HIP1: variants seen among roughly 807,000 people sequenced by gnomAD.
HIP1 encodes the protein huntingtin-interacting protein 1.
In HIP1, 65 loss-of-function variants were observed where a neutral mutation model predicts 147.6. That is an observed-to-expected ratio of 0.44 (90% CI 0.36 to 0.54). The LOEUF is 0.54. HIP1 is among the 20% of genes least tolerant of loss of function. The probability of loss-of-function intolerance (pLI) is 0.00; values close to 1 mark genes in which losing one functional copy is unlikely to be tolerated. For missense variants in HIP1, 1,061 were observed against 1,299.6 expected (o/e 0.82, Z 2.82); for synonymous variants, 479 against 504.0 (o/e 0.95, Z 0.67).
At chr7:75,563,700 T>G (rs943474116) in intron 9 of HIP1, among the ~76,000 whole-genome samples, 2 of 152,204 alleles carry the variant, frequency 1.3e-5, no homozygotes, top group Non-Finnish European at 2.9e-5. Context: ...CTCTTTGTTT[T>G]TGGACTATTT....
In HIP1 at chr7:75,535,954, T is replaced by A. The variant is rs1312864683; in HGVS notation, c.*2218A>T. 1.7e-5 allele frequency: 3 copies of A among 176,456 alleles called. No individual in the cohort carries two copies. Among genetic ancestry groups the A allele is most frequent in the African/African-American group, 7.1e-5 (3 of 42,132 alleles). The allele number at this position is 176,456 out of a possible 1,614,324, so 10.9% of individuals were successfully genotyped here. On this transcript the variant is annotated 3_prime_UTR_variant, in exon 31 of 31. Transcript: ENST00000336926. The stretch of plus-strand genomic sequence containing the variant: ...GTCTTGAACTCCTGACCTCAGGTGA[T>A]CCTACCACCTCAGCCTCTCAAAGTG...
chr7:75,604,224 G>T (rs1381520373), intron 1 of HIP1, among the ~76,000 whole-genome samples: 1 of 152,204 alleles, frequency 6.6e-6, no homozygotes, highest in Non-Finnish European at 1.5e-5. Context: ...GTTGTCTGCA[G>T]TCAGAAAGGA....
At chr7:75,649,800 C>T (rs1554511677) in intron 1 of HIP1, among the ~76,000 whole-genome samples, 3 of 152,194 alleles carry the variant, frequency 2.0e-5, no homozygotes, top group African/African-American at 7.2e-5. Flanking sequence ...GCTTCTCCTA[C>T]ACGGGGAATT....
chr7:75,715,182 G>C (rs1584973391), intron 1 of HIP1, among the ~76,000 whole-genome samples: 2 of 152,048 alleles, frequency 1.3e-5, no homozygotes, highest in African/African-American at 4.8e-5. Context: ...TTGAGCTCAG[G>C]AGTTTGAGAC....
At position 75,557,355 on chromosome 7, in the gene HIP1, A is replaced by C. The variant is rs587711101; in HGVS notation, c.1581+299T>G. ...CAAACAAACAAAACAAACAAACAAA[A>C]AAAAACGCTCATCCCTCTCTCTCTG... On this transcript the variant is annotated intron_variant, in intron 16 of 30. Transcript: ENST00000336926. 3.3e-5 allele frequency among the ~76,000 whole-genome samples: 5 copies of C among 152,106 alleles called. 1 individual carries two copies. In the South Asian group the frequency reaches 8.3e-4, roughly 25 times the overall value.
chr7:75,630,646 T>G (rs1305988405), intron 1 of HIP1, among the ~76,000 whole-genome samples: 1 of 152,062 alleles, frequency 6.6e-6, no homozygotes, highest in Non-Finnish European at 1.5e-5. Context: ...GGGGATCTTC[T>G]TCCCCTCTGT....
intron 1 of HIP1, among the ~76,000 whole-genome samples, chr7:75,695,527 C>T (rs1800607569): frequency 6.6e-6 from 1 of 151,984 alleles, no homozygotes; most frequent in Non-Finnish European, 1.5e-5. Context: ...AGGATAAATA[C>T]TTGCCTGCCG....
chr7:75,563,199 G>C lies in HIP1; in HGVS notation c.868C>G (p.Gln290Glu). 1 of 1,614,184 alleles carries C rather than the reference G, an allele frequency of 6.2e-7. No homozygotes were observed. The highest frequency in any genetic ancestry group is 1.1e-5 in the South Asian group (1 of 91,086). ...TTGGGCATGCTTACCTCAGGCAGCT[G>C]GGGGATCTGAATGAGCCGCTTGAAG... ...QYFKRLIQIP[Q>E]LPENPPNFLR... The change falls in exon 10 of 31, where the codon CAG becomes GAG. Residue 290 changes from glutamine (Q) to glutamate (E), a missense_variant. Transcript: ENST00000336926.
In HIP1 at chr7:75,699,012, CT is replaced by C. The variant is rs1290591040; in HGVS notation, c.120+39788del. Reference sequence around the variant, plus strand: ...TCAGGAGTGGAAGGGACGCCTTTCACTTTTTTTTTCTGGAACCACTTGAATG... The same window carrying C: ...TCAGGAGTGGAAGGGACGCCTTTCACTTTTTTTTCTGGAACCACTTGAATG... On this transcript the variant is annotated intron_variant, in intron 1 of 30. Coordinates refer to ENST00000336926, the MANE Select transcript of HIP1 (RefSeq NM_005338.7). Among the ~76,000 whole-genome samples, 11 of 151,134 alleles carry C rather than the reference CT, an allele frequency of 7.3e-5. 1 individual carries two copies. Among genetic ancestry groups the C allele is most frequent in the Admixed American group, 6.6e-5 (1 of 15,098 alleles).
intron 30 of HIP1, among the ~76,000 whole-genome samples, chr7:75,538,519 G>A (rs782592315): frequency 6.7e-6 from 1 of 149,492 alleles, no homozygotes; most frequent in Non-Finnish European, 1.5e-5. Context: ...CTCTGGGCTG[G>A]CAGCCTGAAT....
chr7:75,706,115 G>T (rs939791991), intron 1 of HIP1, among the ~76,000 whole-genome samples: 2 of 151,874 alleles, frequency 1.3e-5, no homozygotes, highest in Non-Finnish European at 2.9e-5. Context: ...GGCTGGTCTC[G>T]AACTCCTGAT....
At chr7:75,563,152 C>T in intron 10 of HIP1, 36 bp downstream of exon 10, 1 of 1,614,084 alleles carries the variant, frequency 6.2e-7, no homozygotes, top group Non-Finnish European at 8.5e-7. Context: ...CCTGGGGCCT[C>T]TGCAGTGCCG....
chr7:75,571,757 A>AT (rs753602575), intron 8 of HIP1, among the ~76,000 whole-genome samples: 28 of 151,778 alleles, frequency 1.8e-4, no homozygotes, highest in African/African-American at 2.7e-4. Flanking sequence ...TAATTTTTGT[A>AT]TTTTTTGTAC....
At chr7:75,664,840 T>A (rs1423420148) in intron 1 of HIP1, among the ~76,000 whole-genome samples, 4 of 152,124 alleles carry the variant, frequency 2.6e-5, no homozygotes, top group Non-Finnish European at 5.9e-5. Flanking sequence ...AGGCTGGTCT[T>A]GAACTCCTGG....
chr7:75,604,697 A>G (rs756249608), intron 1 of HIP1, among the ~76,000 whole-genome samples: 27 of 142,474 alleles, frequency 1.9e-4, no homozygotes, highest in African/African-American at 3.6e-4. Context: ...GGAAGGAAGG[A>G]AGGGAGGGAG....
rs145640747 is a variant in HIP1 at position 75,563,009 on chromosome 7, C to T, written c.946G>A (p.Ala316Thr). Residue 316 changes from alanine to threonine, a missense_variant, in exon 11 of 31, where the codon GCA (alanine) becomes ACA (threonine). Coordinates refer to ENST00000336926, the MANE Select transcript of HIP1 (RefSeq NM_005338.7). ...TCGCTGTCGGGGGATGAGGCCTCTG[C>T]AGGGATCACCACCACAGGGCTGATA... ...EHISPVVVIP[A>T]EASSPDSEPV... 24 of 1,614,082 alleles carry T rather than the reference C, an allele frequency of 1.5e-5. No homozygotes were observed. Among genetic ancestry groups the T allele is most frequent in the Admixed American group, 6.7e-5 (4 of 60,000 alleles).
chr7:75,618,927 C>T (rs1164950432), intron 1 of HIP1, among the ~76,000 whole-genome samples: 3 of 152,054 alleles, frequency 2.0e-5, no homozygotes, highest in Admixed American at 6.6e-5. Flanking sequence ...ACCTCCTGGG[C>T]TCCAGTGAGC....
intron 8 of HIP1, among the ~76,000 whole-genome samples, chr7:75,569,075 T>G (rs1795517171): frequency 6.6e-6 from 1 of 152,162 alleles, no homozygotes. Context: ...GCTAACTCTA[T>G]GACACTGCAC....
chr7:75,533,326 A>G lies in HIP1; in HGVS notation c.*4846T>C. 1 of 212,814 alleles carries G rather than the reference A, an allele frequency of 4.7e-6. No individual in the cohort carries two copies. Among genetic ancestry groups the G allele is most frequent in the South Asian group, 1.9e-4 (1 of 5,352 alleles). The allele number at this position is 212,814 out of a possible 1,614,324, so 13.2% of individuals were successfully genotyped here. A position where few individuals can be genotyped will look rare whatever the true frequency, so the allele number is the denominator to read the frequency against. On this transcript the variant is annotated 3_prime_UTR_variant, in exon 31 of 31. Transcript: ENST00000336926. ...CCAGGCGGAAATATTTATTTGAAAA[A>G]TTGAAAACACAGATGCAATGTATTA...
Sources: gnomAD v4.1 joint callset for allele counts (sites outside exome capture counted in the v4.1 genomes callset) on GRCh38, gnomAD v4.1.1 for gene constraint, MANE v1.5 for transcripts, NCBI Gene and HGNC (gene_info 2026-07-23, HGNC 2026-07-21) for gene names.